SIRPA: variants seen among roughly 807,000 people sequenced by gnomAD.
SIRPA encodes tyrosine-protein phosphatase non-receptor type substrate 1.
In SIRPA, 9 loss-of-function variants were observed where a neutral mutation model predicts 50.3. That is an observed-to-expected ratio of 0.18 (90% confidence interval 0.11 to 0.31). The LOEUF is 0.31. Ranked by LOEUF, SIRPA falls within the 10% of genes least tolerant of loss-of-function variation. SIRPA has a pLI of 1.00. For missense variants in SIRPA, 474 were observed against 661.6 expected (o/e 0.72, Z 3.11); for synonymous variants, 265 against 284.1 (o/e 0.93, Z 0.68).
chr20:1,921,070 C>G (rs1985618260), intron 2 of SIRPA, among the ~76,000 whole-genome samples: 1 of 152,160 alleles, frequency 6.6e-6, no homozygotes, highest in Non-Finnish European at 1.5e-5. Context: ...ACAGTTAATA[C>G]CAAGGATGAG....
chr20:1,925,961 A>C (rs376529917), intron 5 of SIRPA, among the ~76,000 whole-genome samples: 9 of 152,212 alleles, frequency 5.9e-5, no homozygotes, highest in East Asian at 3.9e-4. Flanking sequence ...TTTTTGTCAT[A>C]TTCTTTTTTC....
Position 1,933,100 on chromosome 20 carries a change from A to G in SIRPA, c.1227-1615A>G, listed in dbSNP as rs1050210067. On this transcript the variant is annotated intron_variant, in intron 6 of 7. Coordinates refer to ENST00000358771, the MANE Select transcript of SIRPA (RefSeq NM_001040023.2). The surrounding 1 kb of genome is among the most constrained non-coding windows in gnomAD (Gnocchi z 4.4). ...TAAGAGGCAGCAGCATGGAGCATGC[A>G]AAGGCCCTGGGGCAGCCTGACTGGC... Among the ~76,000 whole-genome samples the G allele has an allele frequency of 2.0e-5, 3 of 152,226 alleles. No individual in the cohort carries two copies. Among genetic ancestry groups the G allele is most frequent in the African/African-American group, 4.8e-5 (2 of 41,468 alleles).
intron 6 of SIRPA, among the ~76,000 whole-genome samples, chr20:1,931,507 T>C (rs1003351003): frequency 3.3e-5 from 5 of 152,204 alleles, no homozygotes; most frequent in Admixed American, 6.5e-5. Flanking sequence ...AGCGTGAGCC[T>C]ACCAAGGGAG....
intron 1 of SIRPA, among the ~76,000 whole-genome samples, chr20:1,904,431 G>T (rs764434400): frequency 1.3e-5 from 2 of 152,214 alleles, no homozygotes; most frequent in Non-Finnish European, 2.9e-5. Flanking sequence ...GCACGAGGCA[G>T]TCTGGTGCGG....
chr20:1,908,665 T>G (rs1357703415), intron 1 of SIRPA, among the ~76,000 whole-genome samples: 1 of 152,174 alleles, frequency 6.6e-6, no homozygotes, highest in African/African-American at 2.4e-5. Context: ...CACACGTGTG[T>G]TCTCGTGTGC....
chr20:1,903,310 C>T (rs773139144), intron 1 of SIRPA, among the ~76,000 whole-genome samples: 2 of 152,178 alleles, frequency 1.3e-5, no homozygotes, highest in African/African-American at 2.4e-5. Flanking sequence ...ATTCTCACCA[C>T]GGGTTCTGTA....
At position 1,936,335 on chromosome 20, in the gene SIRPA, A is replaced by T. The variant is rs1986572237; in HGVS notation, c.1267-985A>T. On this transcript the variant is annotated intron_variant, in intron 7 of 7. Transcript: ENST00000358771. This position sits in a 1 kb window ranked among gnomAD's most constrained non-coding sequence, Gnocchi z 4.2. Reference sequence around the variant, plus strand: ...GATTGCGAACATTTATTGAAGACAGATGCTCAATAGGTACCAGGCTCTGTT... The same window carrying T: ...GATTGCGAACATTTATTGAAGACAGTTGCTCAATAGGTACCAGGCTCTGTT... Among the ~76,000 whole-genome samples the T allele has an allele frequency of 6.6e-6, 1 of 152,172 alleles. No individual in the cohort carries two copies. The highest frequency in any genetic ancestry group is 2.4e-5 in the African/African-American group (1 of 41,420).
At chr20:1,894,493 C>A (rs1983635876), upstream of SIRPA, 2 of 152,170 alleles carry the variant, frequency 1.3e-5, no homozygotes, top group South Asian at 4.1e-4. This position sits in a 1 kb window ranked among gnomAD's most constrained non-coding sequence, Gnocchi z 4.0. Context: ...CTTCCAGTGC[C>A]TTCCAGCCCT....
chr20:1,913,163 G>T (rs4813322), intron 1 of SIRPA, among the ~76,000 whole-genome samples: 1 of 151,928 alleles, frequency 6.6e-6, no homozygotes, highest in South Asian at 2.1e-4. Flanking sequence ...TCAGGAAAAG[G>T]AAGTCGAAAT....
At chr20:1,906,416 G>A (rs1034735008) in intron 1 of SIRPA, among the ~76,000 whole-genome samples, 8 of 152,208 alleles carry the variant, frequency 5.3e-5, no homozygotes, top group African/African-American at 1.9e-4. Context: ...GAACAATGAA[G>A]CAGAGCCAGG....
intron 1 of SIRPA, among the ~76,000 whole-genome samples, chr20:1,904,770 A>C (rs1284970069): frequency 6.6e-6 from 1 of 152,008 alleles, no homozygotes; most frequent in Non-Finnish European, 1.5e-5. Flanking sequence ...TGTGACCGGG[A>C]GGCTTGGCTC....
chr20:1,924,541 TC>T lies in SIRPA; in HGVS notation c.1088-217del, dbSNP rs372629199. ...CCGTAGCTGTCAGCTACAAATATATTCCCCCCTGGCACCTCAGCATGGTTTT... is the reference window on the plus strand; with the variant it reads ...CCGTAGCTGTCAGCTACAAATATATTCCCCCTGGCACCTCAGCATGGTTTT... On this transcript the variant is annotated intron_variant, in intron 4 of 7. Coordinates refer to ENST00000358771, the MANE Select transcript of SIRPA (RefSeq NM_001040023.2). This position sits in a 1 kb window ranked among gnomAD's most constrained non-coding sequence, Gnocchi z 4.5. 3.2e-4 allele frequency among the ~76,000 whole-genome samples: 48 copies of T among 152,078 alleles called. No homozygotes were observed. Among genetic ancestry groups the T allele is most frequent in the African/African-American group, 1.1e-3 (44 of 41,476 alleles).
At chr20:1,896,462 G>A (rs1322294138) in intron 1 of SIRPA, among the ~76,000 whole-genome samples, 1 of 139,106 alleles carries the variant, frequency 7.2e-6, no homozygotes, top group African/African-American at 2.6e-5. Context: ...GGGGGGCGGG[G>A]GGAGCAGAGA....
chr20:1,907,765 G>A (rs1047712565), intron 1 of SIRPA, among the ~76,000 whole-genome samples: 1 of 152,254 alleles, frequency 6.6e-6, no homozygotes, highest in Non-Finnish European at 1.5e-5. Flanking sequence ...ATCTAGGACA[G>A]GGCCTGGCAG....
intron 5 of SIRPA, among the ~76,000 whole-genome samples, chr20:1,926,369 G>A (rs1024544476): frequency 6.6e-6 from 1 of 152,264 alleles, no homozygotes; most frequent in Admixed American, 6.5e-5. Flanking sequence ...CATAGCAGCC[G>A]ATAGTGAAAT....
In SIRPA at chr20:1,936,557, G is replaced by A. The variant is rs1453685810; in HGVS notation, c.1267-763G>A. Among the ~76,000 whole-genome samples the A allele has an allele frequency of 2.0e-5, 3 of 152,112 alleles. No homozygotes were observed. The highest frequency in any genetic ancestry group is 6.5e-5 in the Admixed American group (1 of 15,272). On this transcript the variant is annotated intron_variant, in intron 7 of 7. Coordinates refer to ENST00000358771, the MANE Select transcript of SIRPA (RefSeq NM_001040023.2). This position sits in a 1 kb window ranked among gnomAD's most constrained non-coding sequence, Gnocchi z 4.2. ...AACGTTTCCCGCTTCACTAACTGGC[G>A]ATCTCGTTCTTATACTGCCCCTGTT...
At chr20:1,921,303 A>C in intron 2 of SIRPA, 92 bp from the exon 3 acceptor site, 2 of 1,595,576 alleles carry the variant, frequency 1.3e-6, no homozygotes, top group Non-Finnish European at 8.6e-7. Context: ...GATAAAAAAT[A>C]ATGTCTCAGA....
At chr20:1,921,733 C>A (rs2123150301) in intron 3 of SIRPA, 21 bp downstream of exon 3, 1 of 1,614,076 alleles carries the variant, frequency 6.2e-7, no homozygotes, top group East Asian at 2.2e-5. Flanking sequence ...CTCACCCAGC[C>A]CAAGCCCACA....
Position 1,895,507 on chromosome 20 carries a change from C to T in SIRPA, c.60C>T (p.Ala20=), listed in dbSNP as rs935169449. Residue 20 remains alanine, a synonymous_variant, in exon 1 of 8, where the codon GCC becomes GCT. Coordinates refer to ENST00000358771, the MANE Select transcript of SIRPA (RefSeq NM_001040023.2). ...GGCCGCTGCTCTGCCTGCTGCTCGC[C>T]GCGTCCTGCGCCTGGTCAGGTAAGC... is the stretch of plus-strand genomic sequence containing the variant. ...RLGPLLCLLL[A]ASCAWSGVAG... 3.4e-6 allele frequency: 5 copies of T among 1,460,666 alleles called. No homozygotes were observed. The highest frequency in any genetic ancestry group is 1.5e-5 in the African/African-American group (1 of 67,778). The allele number at this position is 1,460,666 out of a possible 1,614,324, so 90.5% of individuals were successfully genotyped here. A position where few individuals can be genotyped will look rare whatever the true frequency, so the allele number is the denominator to read the frequency against.
Sources: allele counts gnomAD v4.1 joint callset (sites outside exome capture counted in the v4.1 genomes callset), GRCh38; gene constraint gnomAD v4.1.1; non-coding constraint Gnocchi (gnomAD v3.1); transcripts MANE v1.5; gene names NCBI Gene and HGNC (gene_info 2026-07-23, HGNC 2026-07-21).